SEPTIN9: variants seen among roughly 807,000 people sequenced by gnomAD.
SEPTIN9 encodes septin 9, also known as septin-9.
In SEPTIN9, 13 loss-of-function variants were observed where a neutral mutation model predicts 56.6. That is an observed-to-expected ratio of 0.23 (90% CI 0.15 to 0.37). The LOEUF (loss-of-function observed/expected upper bound fraction) is 0.37, where lower values mean the gene tolerates loss of function less well. SEPTIN9 is among the 10% of genes least tolerant of loss of function. The pLI, the probability that SEPTIN9 is intolerant of heterozygous loss-of-function variation, is 1.00. For missense variants in SEPTIN9, 650 were observed against 823.1 expected (o/e 0.79, Z 2.57); for synonymous variants, 332 against 334.1 (o/e 0.99, Z 0.07).
At chr17:77,349,124 T>TAG (rs2033978396) in intron 2 of SEPTIN9, among the ~76,000 whole-genome samples, 1 of 151,928 alleles carries the variant, frequency 6.6e-6, no homozygotes, top group African/African-American at 2.4e-5. Flanking sequence ...TGAGACAGAG[T>TAG]CTCACTCTGT....
At position 77,497,437 on chromosome 17, in the gene SEPTIN9, G is replaced by C. The variant is rs370743341; in HGVS notation, c.1625+71G>C. ...GAGGGCCCTACAGCGGGTGGGGGCA[G>C]TGGGTGTGGGGCCGAAGCCCTGGGC... On this transcript the variant is annotated intron_variant, in intron 11 of 11. Coordinates refer to ENST00000427177, the MANE Select transcript of SEPTIN9 (RefSeq NM_001113491.2). 8.3e-5 allele frequency: 120 copies of C among 1,444,292 alleles called. 1 individual carries two copies. The Middle Eastern group carries it at 1.3e-3, about 15-fold the overall frequency. The allele number at this position is 1,444,292 out of a possible 1,614,324, so 89.5% of individuals were successfully genotyped here. A position where few individuals can be genotyped will look rare whatever the true frequency, so the allele number is the denominator to read the frequency against.
rs200062866 is a variant in SEPTIN9 at position 77,498,573 on chromosome 17, C to T, written c.1676C>T (p.Ala559Val). The change falls in exon 12 of 12, where the codon GCG becomes GTG. Residue 559 changes from alanine to valine, a missense_variant. By Grantham distance (64) the Ala-to-Val change is moderately conservative. Transcript: ENST00000427177. ...ATCACCAGCAGCATCCACTTCGAGG[C>T]GTACCGTGTGAAGCGCCTCAACGAG... ...KDITSSIHFE[A>V]YRVKRLNEGS... The T allele has an allele frequency of 1.9e-6, 3 of 1,592,490 alleles. No individual in the cohort carries two copies. Among genetic ancestry groups the T allele is most frequent in the Admixed American group, 1.7e-5 (1 of 57,774 alleles).
At chr17:77,383,478 C>T (rs1030072140) in intron 2 of SEPTIN9, among the ~76,000 whole-genome samples, 15 of 152,164 alleles carry the variant, frequency 9.9e-5, no homozygotes, top group African/African-American at 3.6e-4. Flanking sequence ...CCATCACTCC[C>T]CCACTGTGGA....
intron 2 of SEPTIN9, among the ~76,000 whole-genome samples, chr17:77,393,185 C>T (rs364530): frequency 0.24 from 36,250 of 152,096 alleles, 4,570 homozygotes; most frequent in East Asian, 0.47. Context: ...GGGTGCCTCA[C>T]CAGCTCATTG....
chr17:77,417,063 C>T (rs2036531575), intron 3 of SEPTIN9, among the ~76,000 whole-genome samples: 1 of 152,210 alleles, frequency 6.6e-6, no homozygotes, highest in African/African-American at 2.4e-5. Context: ...TGAATTTTGG[C>T]CCTACCCCTC....
At position 77,475,278 on chromosome 17, in the gene SEPTIN9, A is replaced by G. The variant is rs1015321926; in HGVS notation, c.722-6866A>G. ...GTGGGGAGACTGTCTGGACGCAGAG[A>G]GCAGGCTCTGTGTGGGAGCGGGGAG... On this transcript the variant is annotated intron_variant, in intron 3 of 11. Coordinates refer to ENST00000427177, the MANE Select transcript of SEPTIN9 (RefSeq NM_001113491.2). This position sits in a 1 kb window ranked among gnomAD's most constrained non-coding sequence, Gnocchi z 4.6. The G allele has an allele frequency of 2.8e-6, 4 of 1,406,168 alleles. No individual in the cohort carries two copies. The African/African-American group carries it at 5.8e-5, about 20-fold the overall frequency. 87.1% of individuals were successfully genotyped at this position (1,406,168 alleles called of 1,614,324 possible). A position where few individuals can be genotyped will look rare whatever the true frequency, so the allele number is the denominator to read the frequency against.
chr17:77,282,605 A>G (rs1275539214), intron 1 of SEPTIN9, among the ~76,000 whole-genome samples: 1 of 152,216 alleles, frequency 6.6e-6, no homozygotes, highest in Non-Finnish European at 1.5e-5. Flanking sequence ...AAAATGAGTG[A>G]TAAAGTACCT....
intron 2 of SEPTIN9, among the ~76,000 whole-genome samples, chr17:77,377,441 C>T (rs1710472191): frequency 6.6e-6 from 1 of 152,132 alleles, no homozygotes; most frequent in Non-Finnish European, 1.5e-5. Context: ...CTGCTTTGCT[C>T]AGCGGTGTTT....
chr17:77,409,943 C>G (rs1271301106), intron 3 of SEPTIN9, among the ~76,000 whole-genome samples: 2 of 152,232 alleles, frequency 1.3e-5, no homozygotes, highest in African/African-American at 4.8e-5. Flanking sequence ...GTGGTCCACC[C>G]TGACACACTG....
chr17:77,466,352 A>G, intron 3 of SEPTIN9: 10 of 981,412 alleles, frequency 1.0e-5, no homozygotes, highest in Non-Finnish European at 1.2e-5. Flanking sequence ...TCCCCCTCCC[A>G]GCCTTGGGAG....
chr17:77,403,115 G>C (rs542611493), intron 3 of SEPTIN9, among the ~76,000 whole-genome samples: 13 of 152,244 alleles, frequency 8.5e-5, no homozygotes, highest in African/African-American at 2.9e-4. Context: ...CCCTAGAAGG[G>C]CTGTCACATT....
chr17:77,412,630 G>A (rs1349643436), intron 3 of SEPTIN9, among the ~76,000 whole-genome samples: 1 of 152,050 alleles, frequency 6.6e-6, no homozygotes, highest in Admixed American at 6.6e-5. Context: ...GGAGGCTGAT[G>A]TGGGAGGATC....
intron 2 of SEPTIN9, among the ~76,000 whole-genome samples, chr17:77,383,739 C>T (rs995072619): frequency 1.3e-5 from 2 of 152,134 alleles, no homozygotes; most frequent in African/African-American, 4.8e-5. Context: ...GTGTCAGCAT[C>T]GTGGGGATCT....
intron 3 of SEPTIN9, among the ~76,000 whole-genome samples, chr17:77,431,665 C>CA (rs2037137431): frequency 1.3e-5 from 2 of 151,654 alleles, no homozygotes; most frequent in Non-Finnish European, 2.9e-5. Context: ...TCCATCTCTA[C>CA]AAAAAAACAC....
intron 3 of SEPTIN9, among the ~76,000 whole-genome samples, chr17:77,431,859 C>T (rs1482623315): frequency 6.7e-6 from 1 of 149,790 alleles, no homozygotes; most frequent in Non-Finnish European, 1.5e-5. Context: ...AAAAAAGTTG[C>T]CACGTTGTCA....
chr17:77,343,003 G>GTCTGTCTGTCTATCTA lies in SEPTIN9; in HGVS notation c.76+35809_76+35810insGTCTGTCTATCTATCT, dbSNP rs71160228. Reference sequence around the variant, plus strand: ...AATCAATGTATCTGTCTGTCTGTCTGTCTATCTATCTATCTATCTATCTAT... The same window carrying GTCTGTCTGTCTATCTA: ...AATCAATGTATCTGTCTGTCTGTCTGTCTGTCTGTCTATCTATCTATCTATCTATCTATCTATCTAT... On this transcript the variant is annotated intron_variant, in intron 2 of 11. Transcript: ENST00000427177. Among the ~76,000 whole-genome samples the GTCTGTCTGTCTATCTA allele has an allele frequency of 2.9e-3, 429 of 147,246 alleles. 1 individual carries two copies. The highest frequency in any genetic ancestry group is 0.013 in the South Asian group (57 of 4,530).
rs1598313161 is a variant in SEPTIN9, at chr17:77,400,592, T to A, written c.77-1467T>A. 1 of 152,004 alleles carries A rather than the reference T, an allele frequency of 6.6e-6. No individual in the cohort carries two copies. Among genetic ancestry groups the A allele is most frequent in the South Asian group, 2.1e-4 (1 of 4,804 alleles). The allele number at this position is 152,004 out of a possible 1,614,324, so 9.4% of individuals were successfully genotyped here. A position where few individuals can be genotyped will look rare whatever the true frequency, so the allele number is the denominator to read the frequency against. ...GTGCATTTGGAGGAAGAGAGACGGGTGAGGGGAAGGCACTGAAATTGGTCC... is the reference window on the plus strand; with the variant it reads ...GTGCATTTGGAGGAAGAGAGACGGGAGAGGGGAAGGCACTGAAATTGGTCC... On this transcript the variant is annotated intron_variant, in intron 2 of 11. Coordinates refer to ENST00000427177, the MANE Select transcript of SEPTIN9 (RefSeq NM_001113491.2). This position sits in a 1 kb window ranked among gnomAD's most constrained non-coding sequence, Gnocchi z 4.1.
intron 3 of SEPTIN9, among the ~76,000 whole-genome samples, chr17:77,447,624 C>G (rs2037790722): frequency 6.6e-6 from 1 of 152,206 alleles, no homozygotes; most frequent in Admixed American, 6.5e-5. Context: ...ACATTCATTT[C>G]TTTTTTTGTT....
rs1299233229 is a variant in SEPTIN9 at position 77,453,731 on chromosome 17, T to G, written c.722-28413T>G. ...CACTTGGGCAACCAGAGTCTCTGGGTTGACCACTCCCCAGCCCTGGCCAGC... is the reference window on the plus strand; with the variant it reads ...CACTTGGGCAACCAGAGTCTCTGGGGTGACCACTCCCCAGCCCTGGCCAGC... On this transcript the variant is annotated intron_variant, in intron 3 of 11. Coordinates refer to ENST00000427177, the MANE Select transcript of SEPTIN9 (RefSeq NM_001113491.2). The surrounding 1 kb of genome is among the most constrained non-coding windows in gnomAD (Gnocchi z 4.4). The G allele has an allele frequency of 6.6e-6, 1 of 152,470 alleles. No individual in the cohort carries two copies. Among genetic ancestry groups the G allele is most frequent in the Non-Finnish European group, 1.5e-5 (1 of 68,282 alleles). The allele number at this position is 152,470 out of a possible 1,614,324, so 9.4% of individuals were successfully genotyped here. A position where few individuals can be genotyped will look rare whatever the true frequency, so the allele number is the denominator to read the frequency against.
Sources: gnomAD v4.1 joint callset for allele counts (sites outside exome capture counted in the v4.1 genomes callset) on GRCh38, gnomAD v4.1.1 for gene constraint, Gnocchi (gnomAD v3.1) non-coding constraint, MANE v1.5 for transcripts, NCBI Gene and HGNC (gene_info 2026-07-23, HGNC 2026-07-21) for gene names.